The following DCC variants were observed in gnomAD, a reference collection of about 807,000 sequenced individuals.
The protein encoded by DCC is DCC netrin 1 receptor.
Under a neutral mutation model 172.5 loss-of-function variants are expected in DCC, and 58 were observed. The observed-to-expected ratio is 0.34, with a 90% confidence interval of 0.27 to 0.42. The LOEUF is 0.42. DCC is among the 10% of genes least tolerant of loss of function. DCC has a pLI of 1.00. For missense variants in DCC, 1,740 were observed against 1,791.0 expected, an observed-to-expected ratio of 0.97 and a Z score of 0.51; for synonymous variants, 709 against 644.5, an observed-to-expected ratio of 1.10 and a Z score of -1.52.
intron 1 of DCC, among the ~76,000 whole-genome samples, chr18:52,553,550 C>T (rs968562503): frequency 6.6e-6 from 1 of 151,938 alleles, no homozygotes; most frequent in Admixed American, 6.6e-5. Flanking sequence ...TATTATGCAC[C>T]TCCAAGAGGC....
intron 15 of DCC, among the ~76,000 whole-genome samples, chr18:53,368,318 ATG>A (rs532775952): frequency 1.3e-5 from 2 of 152,242 alleles, no homozygotes; most frequent in South Asian, 4.1e-4. Flanking sequence ...GGAGTTCACT[ATG>A]TATTGTGCAT....
chr18:52,720,532 C>T (rs1016397530), intron 1 of DCC, among the ~76,000 whole-genome samples: 1 of 152,168 alleles, frequency 6.6e-6, no homozygotes, highest in Non-Finnish European at 1.5e-5. Flanking sequence ...CATGATACCT[C>T]TGAACCCACG....
At chr18:52,908,990 C>A (rs539987526) in intron 3 of DCC, among the ~76,000 whole-genome samples, 23 of 152,154 alleles carry the variant, frequency 1.5e-4, no homozygotes, top group South Asian at 8.3e-4. Context: ...AAAGAACCTG[C>A]TAAAGGAGAA....
intron 1 of DCC, among the ~76,000 whole-genome samples, chr18:52,385,936 A>G (rs1022253901): frequency 6.6e-6 from 1 of 152,104 alleles, no homozygotes; most frequent in Non-Finnish European, 1.5e-5. Flanking sequence ...TGTTTGGTGT[A>G]TACTATGTCC....
intron 1 of DCC, among the ~76,000 whole-genome samples, chr18:52,521,952 C>A (rs1391674744): frequency 5.9e-5 from 9 of 152,092 alleles, no homozygotes. Context: ...TAGGCAAAAT[C>A]TATCAAGCCT....
At chr18:53,412,439 C>T (rs912967901) in intron 20 of DCC, among the ~76,000 whole-genome samples, 1 of 152,010 alleles carries the variant, frequency 6.6e-6, no homozygotes, top group Non-Finnish European at 1.5e-5. Context: ...ATAAATTACT[C>T]ATCATAAGAG....
At chr18:52,685,082 A>C (rs2035808725) in intron 1 of DCC, among the ~76,000 whole-genome samples, 1 of 152,088 alleles carries the variant, frequency 6.6e-6, no homozygotes, top group Non-Finnish European at 1.5e-5. Flanking sequence ...AATTAGTTCA[A>C]TTAAGGAATA....
In DCC at chr18:52,867,512, G is replaced by GT. The variant is rs201347877; in HGVS notation, c.413-38521dup. On this transcript the variant is annotated intron_variant, in intron 2 of 28. Coordinates refer to ENST00000442544, the MANE Select transcript of DCC (RefSeq NM_005215.4). The stretch of plus-strand genomic sequence containing the variant: ...TGGCTGTGAATCCTCCTGGTCTTGG[G>GT]TTTTTTTTTTTGGGTGGTAGGCTAT... 8.0e-3 allele frequency among the ~76,000 whole-genome samples: 1,137 copies of GT among 141,844 alleles called. 36 individuals are homozygous for GT. In the East Asian group the frequency reaches 0.12, roughly 15 times the overall value. The allele number at this position is 141,844 out of a possible 152,430, so 93.1% of individuals were successfully genotyped here.
chr18:53,528,049 T>G (rs1192954917), intron 28 of DCC, among the ~76,000 whole-genome samples: 2 of 151,924 alleles, frequency 1.3e-5, no homozygotes, highest in African/African-American at 4.8e-5. Context: ...AAAAATAAAT[T>G]TATAACAATA....
At chr18:52,930,333 C>G (rs1192941886) in intron 5 of DCC, among the ~76,000 whole-genome samples, 2 of 151,996 alleles carry the variant, frequency 1.3e-5, no homozygotes, top group African/African-American at 4.8e-5. Flanking sequence ...GTGGCTTGCA[C>G]CTGTAGTCCC....
intron 1 of DCC, among the ~76,000 whole-genome samples, chr18:52,578,227 G>A (rs2033460839): frequency 6.6e-6 from 1 of 152,160 alleles, no homozygotes; most frequent in African/African-American, 2.4e-5. Context: ...AACAAAAACT[G>A]TATTGTTTTA....
intron 27 of DCC, among the ~76,000 whole-genome samples, chr18:53,512,158 C>T (rs1273502912): frequency 2.0e-5 from 3 of 150,706 alleles, no homozygotes; most frequent in East Asian, 2.0e-4. Flanking sequence ...CTGACCCCGA[C>T]CCCCCAGCAG....
chr18:52,528,247 T>C (rs1205190008), intron 1 of DCC, among the ~76,000 whole-genome samples: 1 of 152,214 alleles, frequency 6.6e-6, no homozygotes, highest in Non-Finnish European at 1.5e-5. Context: ...ACTTGTTGCA[T>C]GAGTTATAAC....
At chr18:52,584,344 G>A (rs2033621806) in intron 1 of DCC, among the ~76,000 whole-genome samples, 1 of 152,130 alleles carries the variant, frequency 6.6e-6, no homozygotes, top group African/African-American at 2.4e-5. Flanking sequence ...TTTAGATACA[G>A]TAAGAACATT....
intron 1 of DCC, among the ~76,000 whole-genome samples, chr18:52,609,809 C>T (rs182995304): frequency 6.6e-5 from 10 of 151,720 alleles, no homozygotes; most frequent in African/African-American, 1.9e-4. Flanking sequence ...ATATAGATGA[C>T]TCAAATATCT....
chr18:52,834,874 T>C (rs928430361), intron 2 of DCC, among the ~76,000 whole-genome samples: 1 of 151,782 alleles, frequency 6.6e-6, no homozygotes, highest in Non-Finnish European at 1.5e-5. Context: ...CTGGTACAAT[T>C]AACTACTATA....
intron 14 of DCC, among the ~76,000 whole-genome samples, chr18:53,328,857 C>T (rs868862353): frequency 1.3e-5 from 2 of 152,302 alleles, no homozygotes; most frequent in African/African-American, 4.8e-5. Context: ...GCATGAGCCA[C>T]TGCACCTGGC....
chr18:53,000,744 A>G (rs1252820707), intron 5 of DCC, among the ~76,000 whole-genome samples: 1 of 151,858 alleles, frequency 6.6e-6, no homozygotes, highest in East Asian at 1.9e-4. Context: ...TGTCACAGCC[A>G]GATAATAACA....
intron 22 of DCC, among the ~76,000 whole-genome samples, chr18:53,446,971 A>G (rs760479853): frequency 6.6e-6 from 1 of 152,180 alleles, no homozygotes; most frequent in African/African-American, 2.4e-5. Flanking sequence ...CTCTCTACAA[A>G]TTTTGAAAAG....
Sources: allele counts gnomAD v4.1 joint callset (sites outside exome capture counted in the v4.1 genomes callset), GRCh38; gene constraint gnomAD v4.1.1; transcripts MANE v1.5; gene names NCBI Gene and HGNC (gene_info 2026-07-23, HGNC 2026-07-21).